Variants in ANKS3 observed in about 807,000 individuals in gnomAD.
ANKS3 encodes the protein ankyrin repeat and sterile alpha motif domain containing 3.
Under a neutral mutation model 80.7 loss-of-function variants are expected in ANKS3, and 62 were observed. The ratio of observed to expected loss-of-function variants is 0.77; its 90% CI spans 0.63 to 0.95. The LOEUF (loss-of-function observed/expected upper bound fraction) is 0.95. ANKS3 is among the 40% of genes least tolerant of loss of function. ANKS3 has a pLI of 0.00. For synonymous variants in ANKS3, 489 were observed against 355.3 expected (o/e 1.38, Z -4.23); for missense variants, 1,150 against 883.6 (o/e 1.30, Z -3.82).
intron 6 of ANKS3, among the ~76,000 whole-genome samples, chr16:4,722,849 T>C (rs1023452666): frequency 6.8e-6 from 1 of 147,700 alleles, no homozygotes; most frequent in African/African-American, 2.5e-5. Flanking sequence ...ACTTGGGAGG[T>C]AGAGGTTGCA....
intron 9 of ANKS3, 93 bp from the exon 10 acceptor site, chr16:4,701,636 T>A: frequency 1.8e-6 from 2 of 1,086,190 alleles, no homozygotes; most frequent in South Asian, 1.5e-5. Context: ...ACCAGGGCAC[T>A]CCTTGGGGCC....
At chr16:4,707,837 G>A (rs777539829) in intron 7 of ANKS3, among the ~76,000 whole-genome samples, 7 of 152,106 alleles carry the variant, frequency 4.6e-5, no homozygotes, top group Admixed American at 6.6e-5. Context: ...AGGGCCGGGC[G>A]CGGTGGCTCA....
rs771421144 is a variant in ANKS3 at position 4,699,078 on chromosome 16, C to T, written c.1383G>A (p.Glu461=). Residue 461 remains glutamate (E), a synonymous_variant, in exon 12 of 18, where the codon GAG becomes GAA. Coordinates refer to ENST00000304283, the MANE Select transcript of ANKS3 (RefSeq NM_133450.4). ...TGATGCCAATTTCCTTCAGGTCGCT[C>T]TCAGTGAGGGTCAGAAAGATGCGGA... ...VDLRIFLTLT[E]SDLKEIGITL... 1 of 1,614,168 alleles carries T rather than the reference C, an allele frequency of 6.2e-7. No individual in the cohort carries two copies. Among genetic ancestry groups the T allele is most frequent in the Admixed American group, 1.7e-5 (1 of 60,026 alleles).
intron 6 of ANKS3, among the ~76,000 whole-genome samples, chr16:4,721,301 T>A (rs369260866): frequency 7.9e-6 from 1 of 126,128 alleles, no homozygotes; most frequent in Non-Finnish European, 1.6e-5. Context: ...CAAGACGCCA[T>A]CTCAAAAAAA....
intron 8 of ANKS3, among the ~76,000 whole-genome samples, chr16:4,703,693 G>A (rs1257481587): frequency 6.6e-6 from 1 of 152,076 alleles, no homozygotes; most frequent in East Asian, 1.9e-4. Context: ...TTACAGGCGT[G>A]AGCCACTGCG....
chr16:4,698,226 G>A lies in ANKS3; in HGVS notation c.1725-164C>T, dbSNP rs925111323. 2.3e-5 allele frequency: 25 copies of A among 1,103,630 alleles called. No homozygotes were observed. In the African/African-American group the frequency reaches 2.6e-4, roughly 11 times the overall value. 68.4% of individuals were successfully genotyped at this position (1,103,630 alleles called of 1,614,324 possible). The stretch of plus-strand genomic sequence containing the variant: ...AGGCTGCACTAAAGAGCAGGAGGGC[G>A]ACCGGTGCAGATTCCCGGACCCAAC... On this transcript the variant is annotated intron_variant, in intron 14 of 17. Transcript: ENST00000304283.
At position 4,710,570 on chromosome 16, in the gene ANKS3, G is replaced by A. The variant is rs116155834; in HGVS notation, c.709+3481C>T. On this transcript the variant is annotated intron_variant, in intron 7 of 17. Transcript: ENST00000304283. ...CAAAAAATACAAACGTAAGCTGGGC[G>A]TGGTAGGGTGCACCTACAGTCCTAG... is the stretch of plus-strand genomic sequence containing the variant. Among the ~76,000 whole-genome samples, 253 of 152,142 alleles carry A rather than the reference G, an allele frequency of 1.7e-3. 3 individuals are homozygous for A. The highest frequency in any genetic ancestry group is 5.8e-3 in the African/African-American group (239 of 41,522).
chr16:4,730,079 A>C lies in ANKS3; in HGVS notation c.71T>G (p.Leu24Arg). 2 of 1,594,628 alleles carry C rather than the reference A, an allele frequency of 1.3e-6. No individual in the cohort carries two copies. Among genetic ancestry groups the C allele is most frequent in the Non-Finnish European group, 1.7e-6 (2 of 1,169,012 alleles). Residue 24 changes from leucine (L) to arginine (R), a missense_variant, in exon 3 of 18, where the codon CTC (leucine) becomes CGC (arginine). Physicochemically the swap from Leu to Arg is moderately radical, Grantham distance 102. Coordinates refer to ENST00000304283, the MANE Select transcript of ANKS3 (RefSeq NM_133450.4). Reference protein sequence around the residue: ...LNRSLSMWHGLGTQVSGEELD... With the variant: ...LNRSLSMWHGRGTQVSGEELD... Reference sequence around the variant, plus strand: ...CTCCTCCCCGCTGACCTGTGTCCCGAGCCCGTGCCACATGGACAAGCTGCG... The same window carrying C: ...CTCCTCCCCGCTGACCTGTGTCCCGCGCCCGTGCCACATGGACAAGCTGCG...
chr16:4,696,815 G>A lies in ANKS3; in HGVS notation c.*93C>T, dbSNP rs938916896. ...CTCTGGCCCCCACTGGGCCTGGGCT[G>A]CACATGGCAGCTACCTGCTCACTGT... On this transcript the variant is annotated 3_prime_UTR_variant, in exon 18 of 18. Transcript: ENST00000304283. The A allele has an allele frequency of 1.5e-5, 9 of 615,146 alleles. No homozygotes were observed. Among genetic ancestry groups the A allele is most frequent in the African/African-American group, 7.4e-5 (4 of 54,242 alleles). 38.1% of individuals were successfully genotyped at this position (615,146 alleles called of 1,614,324 possible). A position where few individuals can be genotyped will look rare whatever the true frequency, so the allele number is the denominator to read the frequency against.
In ANKS3 at chr16:4,723,968, G is replaced by T. The variant is rs192282627; in HGVS notation, c.573+782C>A. On this transcript the variant is annotated intron_variant, in intron 6 of 17. Coordinates refer to ENST00000304283, the MANE Select transcript of ANKS3 (RefSeq NM_133450.4). ...CCCAGCTACTTGGGGGCTGAGGCAG[G>T]AGGATCGCTTGAGCCCAGGAGGCTG... Among the ~76,000 whole-genome samples, 8 of 152,278 alleles carry T rather than the reference G, an allele frequency of 5.3e-5. No homozygotes were observed. The East Asian group carries it at 1.5e-3, about 29-fold the overall frequency.
intron 6 of ANKS3, among the ~76,000 whole-genome samples, chr16:4,715,503 G>A (rs923730293): frequency 2.6e-5 from 4 of 152,182 alleles, no homozygotes; most frequent in Admixed American, 6.5e-5. Context: ...GGCTGAGGCA[G>A]GAGGATCACT....
At chr16:4,697,904 C>T (rs940518060) in intron 15 of ANKS3, 73 bp downstream of exon 15, 9 of 1,354,534 alleles carry the variant, frequency 6.6e-6, no homozygotes, top group Non-Finnish European at 8.9e-6. Context: ...GCCAAGCCCA[C>T]TGGGTCAAAC....
intron 7 of ANKS3, among the ~76,000 whole-genome samples, chr16:4,706,787 G>T (rs574797534): frequency 2.0e-5 from 3 of 152,148 alleles, no homozygotes; most frequent in Admixed American, 1.3e-4. Context: ...TGAAGGGAAA[G>T]GTCCTTTGCA....
intron 7 of ANKS3, among the ~76,000 whole-genome samples, chr16:4,707,766 A>G (rs1380465137): frequency 3.3e-5 from 5 of 152,230 alleles, no homozygotes; most frequent in East Asian, 1.9e-4. Flanking sequence ...GCTAAACTGT[A>G]TACAGATAAT....
intron 1 of ANKS3, among the ~76,000 whole-genome samples, chr16:4,731,821 G>A (rs1021453702): frequency 6.6e-6 from 1 of 152,046 alleles, no homozygotes; most frequent in African/African-American, 2.4e-5. Flanking sequence ...CACTTTCCCC[G>A]AGATGGGCCT....
chr16:4,708,518 GC>G (rs926083605), intron 7 of ANKS3, among the ~76,000 whole-genome samples: 18 of 152,194 alleles, frequency 1.2e-4, no homozygotes, highest in Admixed American at 3.3e-4. Flanking sequence ...AACAAAGTAA[GC>G]CAAATAAAAA....
chr16:4,719,796 T>C (rs2080992738), intron 6 of ANKS3, among the ~76,000 whole-genome samples: 1 of 151,266 alleles, frequency 6.6e-6, no homozygotes, highest in African/African-American at 2.4e-5. Context: ...AGACCCTATA[T>C]AAAAAAAATA....
intron 12 of ANKS3, 25 bp downstream of exon 12, chr16:4,699,027 G>A (rs1238081798): frequency 6.2e-7 from 1 of 1,614,048 alleles, no homozygotes; most frequent in Non-Finnish European, 8.5e-7. Flanking sequence ...CGGGCTGAGG[G>A]CCAGAGCGGC....
At chr16:4,723,564 C>T (rs556748196) in intron 6 of ANKS3, among the ~76,000 whole-genome samples, 10 of 152,278 alleles carry the variant, frequency 6.6e-5, no homozygotes, top group Non-Finnish European at 1.3e-4. Flanking sequence ...TTGGGATTAC[C>T]GGCGTGCGCC....
Sources: allele counts gnomAD v4.1 joint callset (sites outside exome capture counted in the v4.1 genomes callset), GRCh38; gene constraint gnomAD v4.1.1; transcripts MANE v1.5; gene names NCBI Gene and HGNC (gene_info 2026-07-23, HGNC 2026-07-21).